The following ZEB2 variants were observed in gnomAD, a reference collection of about 807,000 sequenced individuals.
ZEB2 encodes zinc finger E-box-binding homeobox 2.
Under a neutral mutation model 99.9 loss-of-function variants are expected in ZEB2, and 6 were observed. The ratio of observed to expected loss-of-function variants is 0.06; its 90% CI spans 0.03 to 0.12. ZEB2 has a LOEUF of 0.12. Ranked by LOEUF, ZEB2 falls within the 10% of genes least tolerant of loss-of-function variation. The probability of loss-of-function intolerance (pLI) is 1.00; values close to 1 mark genes in which losing one functional copy is unlikely to be tolerated. For synonymous variants in ZEB2, 517 were observed against 542.5 expected (o/e 0.95, Z 0.65); for missense variants, 969 against 1,502.8 (o/e 0.64, Z 5.87).
chr2:144,458,458 C>T (rs1704149970), intron 2 of ZEB2, among the ~76,000 whole-genome samples: 1 of 151,920 alleles, frequency 6.6e-6, no homozygotes, highest in Non-Finnish European at 1.5e-5. Flanking sequence ...AGGAGTCTTC[C>T]TGGTATTGAT....
At chr2:144,516,621 G>C (rs1237575639) in intron 2 of ZEB2, 1 of 150,930 alleles carries the variant, frequency 6.6e-6, no homozygotes, top group East Asian at 2.0e-4. Flanking sequence ...GAGCCTGCTG[G>C]AGAGGAGTCA....
chr2:144,494,273 A>G (rs1184383211), intron 2 of ZEB2: 2 of 152,140 alleles, frequency 1.3e-5, no homozygotes, highest in African/African-American at 4.8e-5. Context: ...ACTATGTCCT[A>G]TCATCAGTGA....
chr2:144,450,552 C>G (rs1431093940), intron 2 of ZEB2: 5 of 152,144 alleles, frequency 3.3e-5, no homozygotes, highest in African/African-American at 1.2e-4. Context: ...AGGTATACCA[C>G]TGGAATTAGT....
At chr2:144,469,224 T>C (rs1285313316) in intron 2 of ZEB2, among the ~76,000 whole-genome samples, 1 of 152,172 alleles carries the variant, frequency 6.6e-6, no homozygotes, top group Non-Finnish European at 1.5e-5. Context: ...TAAAAATGAT[T>C]TTTCTATACA....
At chr2:144,515,038 G>C (rs1259476627) in intron 2 of ZEB2, among the ~76,000 whole-genome samples, 1 of 152,170 alleles carries the variant, frequency 6.6e-6, no homozygotes, top group African/African-American at 2.4e-5. Context: ...CTTAGACCTG[G>C]GCTCTGGCCT....
chr2:144,396,985 C>T (rs1220662048), intron 8 of ZEB2, among the ~76,000 whole-genome samples: 4 of 152,046 alleles, frequency 2.6e-5, no homozygotes, highest in Non-Finnish European at 5.9e-5. Flanking sequence ...GCTGTAGAAA[C>T]CCGATTTTAA....
Position 144,508,508 on chromosome 2 carries a change from C to T in ZEB2, c.73+8770G>A, listed in dbSNP as rs940313261. Among the ~76,000 whole-genome samples, 4 of 152,168 alleles carry T rather than the reference C, an allele frequency of 2.6e-5. No homozygotes were observed. In the East Asian group the frequency reaches 5.8e-4, roughly 22 times the overall value. ...GGCTGCTCGAATGTTGACACCTACA[C>T]TCTTTTTCGAAACTAAATAAGGCAA... is the stretch of plus-strand genomic sequence containing the variant. On this transcript the variant is annotated intron_variant, in intron 2 of 9. Coordinates refer to ENST00000627532, the MANE Select transcript of ZEB2 (RefSeq NM_014795.4).
In ZEB2 at chr2:144,490,679, A is replaced by G. The variant is rs1573796202; in HGVS notation, c.73+26599T>C. Among the ~76,000 whole-genome samples, 3 of 152,344 alleles carry G rather than the reference A, an allele frequency of 2.0e-5. No individual in the cohort carries two copies. In the South Asian group the frequency reaches 6.2e-4, roughly 32 times the overall value. On this transcript the variant is annotated intron_variant, in intron 2 of 9. Coordinates refer to ENST00000627532, the MANE Select transcript of ZEB2 (RefSeq NM_014795.4). ...CGATGAAAGTGAAGTGCTTTCTGCAACTTTGACACAATAAAATGAAGCTAT... is the reference window on the plus strand; with the variant it reads ...CGATGAAAGTGAAGTGCTTTCTGCAGCTTTGACACAATAAAATGAAGCTAT...
chr2:144,489,207 A>G (rs1203377246), intron 2 of ZEB2, among the ~76,000 whole-genome samples: 1 of 152,300 alleles, frequency 6.6e-6, no homozygotes, highest in Non-Finnish European at 1.5e-5. Flanking sequence ...ATGTTATTAC[A>G]ATGAAAGAAA....
At chr2:144,517,048 C>A (rs1195543088) in intron 2 of ZEB2, among the ~76,000 whole-genome samples, 1 of 149,142 alleles carries the variant, frequency 6.7e-6, no homozygotes, top group Non-Finnish European at 1.5e-5. Flanking sequence ...GACCCCCGCG[C>A]TCGGACCCCC....
intron 8 of ZEB2, 97 bp from the exon 9 acceptor site, chr2:144,396,689 T>G: frequency 7.6e-7 from 1 of 1,322,012 alleles, no homozygotes; most frequent in Non-Finnish European, 1.1e-6. Flanking sequence ...TCAAAATTGC[T>G]TGCTACTAAT....
intron 2 of ZEB2, among the ~76,000 whole-genome samples, chr2:144,453,434 A>T (rs1449245117): frequency 6.6e-6 from 1 of 152,242 alleles, no homozygotes; most frequent in East Asian, 1.9e-4. Flanking sequence ...GCAGTGTTTC[A>T]TCTCAAATAA....
intron 2 of ZEB2, among the ~76,000 whole-genome samples, chr2:144,502,183 G>C (rs1704882095): frequency 6.6e-6 from 1 of 152,182 alleles, no homozygotes; most frequent in Admixed American, 6.5e-5. Context: ...TTAGGCTGCT[G>C]AGTATTTTTC....
In ZEB2 at chr2:144,519,990, T is replaced by C. The variant is rs779756435; in HGVS notation, c.-121A>G. On this transcript the variant is annotated 5_prime_UTR_variant, in exon 1 of 10. It removes an upstream start codon present in the reference 5' UTR. Transcript: ENST00000627532. ...CCAGAAATGGTGAGAAGAAAAAGCA[T>C]GAAGAAGCCGCGAAGTGTGGGGGAG... 8.8e-6 allele frequency: 4 copies of C among 454,412 alleles called. No homozygotes were observed. Among genetic ancestry groups the C allele is most frequent in the South Asian group, 6.2e-5 (4 of 64,462 alleles). 28.1% of individuals were successfully genotyped at this position (454,412 alleles called of 1,614,324 possible). A position where few individuals can be genotyped will look rare whatever the true frequency, so the allele number is the denominator to read the frequency against.
In ZEB2 at chr2:144,385,407, T is replaced by C. The variant is rs1247905503; in HGVS notation, c.*4044A>G. 6.6e-6 allele frequency: 1 copy of C among 152,178 alleles called. No homozygotes were observed. Among genetic ancestry groups the C allele is most frequent in the African/African-American group, 2.4e-5 (1 of 41,444 alleles). The allele number at this position is 152,178 out of a possible 1,614,324, so 9.4% of individuals were successfully genotyped here. ...TTTTCATATATATATTTTTTCCCCA[T>C]GTGAATTCTTTGGTGTTTTTTCCCC... On this transcript the variant is annotated 3_prime_UTR_variant, in exon 10 of 10. Coordinates refer to ENST00000627532, the MANE Select transcript of ZEB2 (RefSeq NM_014795.4).
chr2:144,513,674 C>G (rs1223484655), intron 2 of ZEB2: 3 of 1,535,186 alleles, frequency 2.0e-6, no homozygotes, highest in South Asian at 2.4e-5. Context: ...GCAGGAGCAT[C>G]CCAGGACCCG....
chr2:144,513,766 C>T, intron 2 of ZEB2: 1 of 1,536,110 alleles, frequency 6.5e-7, no homozygotes, highest in Non-Finnish European at 8.7e-7. Flanking sequence ...CAGGGCATCT[C>T]CCGCTCCGAG....
intron 9 of ZEB2, among the ~76,000 whole-genome samples, chr2:144,395,412 A>C (rs1019456123): frequency 6.6e-6 from 1 of 151,542 alleles, no homozygotes; most frequent in African/African-American, 2.4e-5. Context: ...GAAATGTTTG[A>C]TACTAGACTT....
In ZEB2 at chr2:144,398,693, C is replaced by T. The variant is rs1573715635; in HGVS notation, c.2494G>A (p.Ala832Thr). The T allele has an allele frequency of 3.7e-6, 6 of 1,613,998 alleles. No homozygotes were observed. The East Asian group carries it at 8.9e-5, about 24-fold the overall frequency. The stretch of plus-strand genomic sequence containing the variant: ...CTAGCTTTTGTTTTGTTCTTTGTGG[C>T]TATAATACTTTTGGGTTCTTTCATT... ...KQMKEPKSII[A>T]TKNKTKASSI... is the part of the protein sequence containing the mutation. Residue 832 changes from alanine to threonine, a missense_variant, in exon 8 of 10, where the codon GCC (alanine) becomes ACC (threonine). Transcript: ENST00000627532.
Sources: allele counts gnomAD v4.1 joint callset (sites outside exome capture counted in the v4.1 genomes callset), GRCh38; gene constraint gnomAD v4.1.1; transcripts MANE v1.5; gene names NCBI Gene and HGNC (gene_info 2026-07-23, HGNC 2026-07-21).